Variants in LEPROT observed in about 807,000 individuals in gnomAD.
LEPROT encodes leptin receptor gene-related protein.
LEPROT carries 3 observed loss-of-function variants against 15.4 expected under a neutral mutation model. The observed-to-expected ratio is 0.19, with a 90% CI of 0.09 to 0.50. The LOEUF is 0.50. LEPROT is among the 20% of genes least tolerant of loss of function. The pLI is 0.97. For synonymous variants in LEPROT, 59 were observed against 57.5 expected, an observed-to-expected ratio of 1.03 and a Z score of -0.12; for missense variants, 137 against 162.2, an observed-to-expected ratio of 0.84 and a Z score of 0.84.
chr1:65,420,887 C>T (rs1234946790), intron 1 of LEPROT, 147 bp downstream of exon 1: 2 of 1,038,964 alleles, frequency 1.9e-6, no homozygotes, highest in African/African-American at 1.6e-5. Context: ...ATCGACCGCT[C>T]CCTTCGTCCC....
At position 65,431,982 on chromosome 1, in the gene LEPROT, A is replaced by G; in HGVS notation, c.*63A>G. The G allele has an allele frequency of 1.3e-6, 2 of 1,523,326 alleles. No individual in the cohort carries two copies. The highest frequency in any genetic ancestry group is 8.8e-7 in the Non-Finnish European group (1 of 1,138,062). 94.4% of individuals were successfully genotyped at this position (1,523,326 alleles called of 1,614,324 possible). A position where few individuals can be genotyped will look rare whatever the true frequency, so the allele number is the denominator to read the frequency against. ...ACTCATACTATCTGTATACATGTGC[A>G]CATGCGGCATTTTACTATGAAATTT... On this transcript the variant is annotated 3_prime_UTR_variant, in exon 4 of 4. Coordinates refer to ENST00000371065, the MANE Select transcript of LEPROT (RefSeq NM_017526.5).
At position 65,435,620 on chromosome 1, in the gene LEPROT, G is replaced by T; in HGVS notation, c.*3701G>T. On this transcript the variant is annotated 3_prime_UTR_variant, in exon 4 of 4. Transcript: ENST00000371065. ...CTGACCTCATGATCCGCCCGCCTCTGCCTCCCAAAGTGCTGGGATTACAGG... is the reference window on the plus strand; with the variant it reads ...CTGACCTCATGATCCGCCCGCCTCTTCCTCCCAAAGTGCTGGGATTACAGG... 1.2e-6 allele frequency: 1 copy of T among 861,240 alleles called. No individual in the cohort carries two copies. Among genetic ancestry groups the T allele is most frequent in the Non-Finnish European group, 1.4e-6 (1 of 716,712 alleles). The allele number at this position is 861,240 out of a possible 1,614,324, so 53.3% of individuals were successfully genotyped here. A position where few individuals can be genotyped will look rare whatever the true frequency, so the allele number is the denominator to read the frequency against.
chr1:65,430,230 T>C (rs1248111279), intron 3 of LEPROT, 182 bp downstream of exon 3: 5 of 438,248 alleles, frequency 1.1e-5, no homozygotes, highest in Non-Finnish European at 2.0e-5. Context: ...TTCAGAGTGC[T>C]TTCTTTATTT....
In LEPROT at chr1:65,433,631, C is replaced by A; in HGVS notation, c.*1712C>A. On this transcript the variant is annotated 3_prime_UTR_variant, in exon 4 of 4. Transcript: ENST00000371065. Reference sequence around the variant, plus strand: ...GTTAATGTGCAACGTTATTTTTTGGCCTTGTTCATGATTTTATGTTTTCAG... The same window carrying A: ...GTTAATGTGCAACGTTATTTTTTGGACTTGTTCATGATTTTATGTTTTCAG... 1 of 985,202 alleles carries A rather than the reference C, an allele frequency of 1.0e-6. No individual in the cohort carries two copies. Among genetic ancestry groups the A allele is most frequent in the South Asian group, 4.7e-5 (1 of 21,276 alleles). 61.0% of individuals were successfully genotyped at this position (985,202 alleles called of 1,614,324 possible).
intron 3 of LEPROT, among the ~76,000 whole-genome samples, chr1:65,431,301 C>T (rs996275390): frequency 6.6e-6 from 1 of 152,170 alleles, no homozygotes; most frequent in Non-Finnish European, 1.5e-5. Context: ...CTAGAGGGTA[C>T]TCTCACCCCC....
Position 65,434,212 on chromosome 1 carries a change from CATT to C in LEPROT, c.*2294_*2296del, listed in dbSNP as rs1360208765. ...GAGCTATTCTGCAGTGCCTAAATAT[CATT>C]TAAACAGTAAATATTAATAGGAAAT... On this transcript the variant is annotated 3_prime_UTR_variant, in exon 4 of 4. Coordinates refer to ENST00000371065, the MANE Select transcript of LEPROT (RefSeq NM_017526.5). 2.0e-6 allele frequency: 2 copies of C among 980,530 alleles called. No homozygotes were observed. Among genetic ancestry groups the C allele is most frequent in the African/African-American group, 1.8e-5 (1 of 57,090 alleles). 60.7% of individuals were successfully genotyped at this position (980,530 alleles called of 1,614,324 possible).
At chr1:65,430,168 A>C in intron 3 of LEPROT, 120 bp downstream of exon 3, 1 of 868,560 alleles carries the variant, frequency 1.2e-6, no homozygotes, top group Non-Finnish European at 1.6e-6. Context: ...GTGTGTTTTT[A>C]GTTTCTCTGT....
rs1019376132 is a variant in LEPROT at position 65,434,045 on chromosome 1, A to G, written c.*2126A>G. ...TTGCAAAAGTGTTTTTGTTGCTTAT[A>G]CACATTTTCAATAACCAAGGTAGCC... is the stretch of plus-strand genomic sequence containing the variant. On this transcript the variant is annotated 3_prime_UTR_variant, in exon 4 of 4. Coordinates refer to ENST00000371065, the MANE Select transcript of LEPROT (RefSeq NM_017526.5). 6.1e-6 allele frequency: 6 copies of G among 985,362 alleles called. No individual in the cohort carries two copies. Among genetic ancestry groups the G allele is most frequent in the Non-Finnish European group, 4.8e-6 (4 of 829,848 alleles). The allele number at this position is 985,362 out of a possible 1,614,324, so 61.0% of individuals were successfully genotyped here.
At chr1:65,420,865 G>T in intron 1 of LEPROT, 125 bp downstream of exon 1, 2 of 1,212,748 alleles carry the variant, frequency 1.6e-6, no homozygotes, top group Non-Finnish European at 2.3e-6. Context: ...CGCCTCTCCG[G>T]TTCGGGAGGC....
Position 65,433,193 on chromosome 1 carries a change from C to G in LEPROT, c.*1274C>G, listed in dbSNP as rs1646512143. On this transcript the variant is annotated 3_prime_UTR_variant, in exon 4 of 4. Transcript: ENST00000371065. ...CCCCCACCCCTACTCCTCAACAGTT[C>G]TGGTTTGCCCTGACTTCTCTACGGC... 1 of 985,308 alleles carries G rather than the reference C, an allele frequency of 1.0e-6. No individual in the cohort carries two copies. 61.0% of individuals were successfully genotyped at this position (985,308 alleles called of 1,614,324 possible).
At position 65,435,610 on chromosome 1, in the gene LEPROT, G is replaced by C; in HGVS notation, c.*3691G>C. 6.5e-6 allele frequency: 5 copies of C among 767,900 alleles called. No individual in the cohort carries two copies. Among genetic ancestry groups the C allele is most frequent in the Non-Finnish European group, 6.3e-6 (4 of 631,752 alleles). 47.6% of individuals were successfully genotyped at this position (767,900 alleles called of 1,614,324 possible). A position where few individuals can be genotyped will look rare whatever the true frequency, so the allele number is the denominator to read the frequency against. On this transcript the variant is annotated 3_prime_UTR_variant, in exon 4 of 4. Transcript: ENST00000371065. Reference sequence around the variant, plus strand: ...TCTCGATCTCCTGACCTCATGATCCGCCCGCCTCTGCCTCCCAAAGTGCTG... The same window carrying C: ...TCTCGATCTCCTGACCTCATGATCCCCCCGCCTCTGCCTCCCAAAGTGCTG...
intron 2 of LEPROT, chr1:65,427,915 A>G (rs1203421322): frequency 1.6e-5 from 3 of 192,504 alleles, no homozygotes; most frequent in Non-Finnish European, 3.3e-5. Flanking sequence ...CTGTATCTTG[A>G]TAGTGAACCA....
chr1:65,433,451 GA>G lies in LEPROT; in HGVS notation c.*1533del. On this transcript the variant is annotated 3_prime_UTR_variant, in exon 4 of 4. Transcript: ENST00000371065. ...TATTGAGAAAGGGAAATATGGGAAGGAGAACCATTTGATCAGAATACAACCA... is the reference window on the plus strand; with the variant it reads ...TATTGAGAAAGGGAAATATGGGAAGGGAACCATTTGATCAGAATACAACCA... 1.0e-6 allele frequency: 1 copy of G among 985,430 alleles called. No homozygotes were observed. 61.0% of individuals were successfully genotyped at this position (985,430 alleles called of 1,614,324 possible). A position where few individuals can be genotyped will look rare whatever the true frequency, so the allele number is the denominator to read the frequency against.
intron 2 of LEPROT, among the ~76,000 whole-genome samples, chr1:65,427,514 A>C (rs1471428573): frequency 2.0e-5 from 3 of 152,136 alleles, no homozygotes; most frequent in Non-Finnish European, 4.4e-5. Flanking sequence ...AGCTGTGATC[A>C]CACCACTGCA....
Position 65,435,912 on chromosome 1 carries a change from G to T in LEPROT, c.*3993G>T, listed in dbSNP as rs1646556736. 1.0e-6 allele frequency: 1 copy of T among 984,874 alleles called. No individual in the cohort carries two copies. The highest frequency in any genetic ancestry group is 1.2e-6 in the Non-Finnish European group (1 of 829,576). The allele number at this position is 984,874 out of a possible 1,614,324, so 61.0% of individuals were successfully genotyped here. On this transcript the variant is annotated 3_prime_UTR_variant, in exon 4 of 4. Transcript: ENST00000371065. Reference sequence around the variant, plus strand: ...CTCATAAATTATAATCTTTCAAATAGCCATGCTACCAGCGTACAACAGTGA... The same window carrying T: ...CTCATAAATTATAATCTTTCAAATATCCATGCTACCAGCGTACAACAGTGA...
At position 65,432,157 on chromosome 1, in the gene LEPROT, G is replaced by C; in HGVS notation, c.*238G>C. 1 of 1,168,012 alleles carries C rather than the reference G, an allele frequency of 8.6e-7. No homozygotes were observed. 72.4% of individuals were successfully genotyped at this position (1,168,012 alleles called of 1,614,324 possible). A position where few individuals can be genotyped will look rare whatever the true frequency, so the allele number is the denominator to read the frequency against. ...TGTTACTTGTTTGGCTGTTCATGTA[G>C]TCACGGTGCTCTCAGAAAATATATT... On this transcript the variant is annotated 3_prime_UTR_variant, in exon 4 of 4. Coordinates refer to ENST00000371065, the MANE Select transcript of LEPROT (RefSeq NM_017526.5).
intron 2 of LEPROT, 24 bp downstream of exon 2, chr1:65,425,402 C>T: frequency 6.4e-7 from 1 of 1,569,510 alleles, no homozygotes; most frequent in Non-Finnish European, 8.6e-7. Context: ...TCAAAAAGAA[C>T]TATTCCTCTT....
chr1:65,429,731 A>G (rs1646449793), intron 2 of LEPROT, 131 bp from the exon 3 acceptor site: 1 of 740,168 alleles, frequency 1.4e-6, no homozygotes, highest in African/African-American at 1.8e-5. Context: ...CTTATGTTCT[A>G]ATATTCACAA....
chr1:65,434,222 G>A lies in LEPROT; in HGVS notation c.*2303G>A, dbSNP rs139653513. ...GCAGTGCCTAAATATCATTTAAACA[G>A]TAAATATTAATAGGAAATATTGCTA... On this transcript the variant is annotated 3_prime_UTR_variant, in exon 4 of 4. Coordinates refer to ENST00000371065, the MANE Select transcript of LEPROT (RefSeq NM_017526.5). The A allele has an allele frequency of 1.3e-3, 1,245 of 978,922 alleles. 16 individuals are homozygous for A. In the African/African-American group the frequency reaches 0.021, roughly 16 times the overall value. The allele number at this position is 978,922 out of a possible 1,614,324, so 60.6% of individuals were successfully genotyped here.
Sources: gnomAD v4.1 joint callset for allele counts (sites outside exome capture counted in the v4.1 genomes callset) on GRCh38, gnomAD v4.1.1 for gene constraint, MANE v1.5 for transcripts, NCBI Gene and HGNC (gene_info 2026-07-23, HGNC 2026-07-21) for gene names.